PUS7: variants seen among roughly 807,000 people sequenced by gnomAD.
PUS7 encodes pseudouridine synthase 7.
In PUS7, 48 loss-of-function variants were observed where a neutral mutation model predicts 79.8. The observed-to-expected ratio is 0.60, with a 90% CI of 0.48 to 0.76. The LOEUF (loss-of-function observed/expected upper bound fraction) is 0.76, where lower values mean the gene tolerates loss of function less well. Among genes scored for constraint, PUS7 ranks in the 30% least tolerant of loss-of-function variants. PUS7 has a pLI of 0.00. For synonymous variants in PUS7, 286 were observed against 272.2 expected, an observed-to-expected ratio of 1.05 and a Z score of -0.50; for missense variants, 729 against 797.6, an observed-to-expected ratio of 0.91 and a Z score of 1.04.
chr7:105,508,764 T>C (rs1170163946), intron 1 of PUS7, among the ~76,000 whole-genome samples: 2 of 148,420 alleles, frequency 1.3e-5, no homozygotes, highest in Admixed American at 1.4e-4. Context: ...TCCCAGCTCT[T>C]GGGAGGCTGA....
At chr7:105,478,566 T>C (rs913362147) in intron 9 of PUS7, among the ~76,000 whole-genome samples, 1 of 152,218 alleles carries the variant, frequency 6.6e-6, no homozygotes, top group Non-Finnish European at 1.5e-5. Context: ...AGATTAGTGA[T>C]AAGCATCTTT....
At chr7:105,504,070 C>A (rs1476979491) in intron 4 of PUS7, among the ~76,000 whole-genome samples, 1 of 137,016 alleles carries the variant, frequency 7.3e-6, no homozygotes, top group Non-Finnish European at 1.6e-5. Context: ...CTTGATGACA[C>A]TTTTTTTTTT....
chr7:105,510,171 A>G (rs1825647836), intron 1 of PUS7, among the ~76,000 whole-genome samples: 1 of 152,052 alleles, frequency 6.6e-6, no homozygotes, highest in Non-Finnish European at 1.5e-5. Context: ...ATGGTGGCAC[A>G]TGCCTGTAAT....
intron 11 of PUS7, among the ~76,000 whole-genome samples, chr7:105,469,771 TTAG>T (rs562306434): frequency 8.4e-4 from 128 of 152,306 alleles, no homozygotes; most frequent in African/African-American, 2.9e-3. Context: ...TTTTGTATTT[TTAG>T]TAGAGACAAG....
At chr7:105,488,724 T>C (rs1466936066) in intron 7 of PUS7, among the ~76,000 whole-genome samples, 1 of 152,242 alleles carries the variant, frequency 6.6e-6, no homozygotes, top group East Asian at 1.9e-4. Context: ...AAAATAAGAA[T>C]ACATAAGTAT....
chr7:105,462,267 A>G, intron 14 of PUS7: 1 of 211,864 alleles, frequency 4.7e-6, no homozygotes, highest in South Asian at 7.2e-5. Context: ...CCCTGCCTCT[A>G]CTAAAAATAC....
intron 5 of PUS7, among the ~76,000 whole-genome samples, 170 bp downstream of exon 5, chr7:105,502,250 G>A (rs1157116549): frequency 6.6e-6 from 1 of 152,100 alleles, no homozygotes; most frequent in Non-Finnish European, 1.5e-5. Context: ...GCAGGACTGC[G>A]CTGGCATCTG....
intron 5 of PUS7, among the ~76,000 whole-genome samples, chr7:105,496,761 AAAGTATTAC>A (rs59055631): frequency 0.54 from 81,078 of 151,422 alleles, 22,947 homozygotes; most frequent in Middle Eastern, 0.63. Flanking sequence ...CTTGGACAGA[AAAGTATTAC>A]AAGTATTTCT....
At chr7:105,467,350 T>C (rs1044178387) in intron 12 of PUS7, among the ~76,000 whole-genome samples, 4 of 151,268 alleles carry the variant, frequency 2.6e-5, no homozygotes, top group Admixed American at 6.6e-5. Flanking sequence ...AATGCAGTGG[T>C]GTGATCTCGG....
rs1825290655 is a variant in PUS7 at position 105,502,423 on chromosome 7, C to G, written c.727G>C (p.Ala243Pro). Residue 243 changes from alanine to proline, a missense_variant, in exon 5 of 16, where the codon GCA becomes CCA. By Grantham distance (27) the Ala-to-Pro change is conservative. Transcript: ENST00000469408. ...AYHAAGKKAL[A>P]NPRKHSWPKS... ...GAAGCTGCTCACAGACACCTACTTG[C>G]CAAAGCCTTTTTCCCAGCTGCGTGG... The G allele has an allele frequency of 6.2e-7, 1 of 1,613,980 alleles. No individual in the cohort carries two copies. Among genetic ancestry groups the G allele is most frequent in the South Asian group, 1.1e-5 (1 of 91,080 alleles).
chr7:105,463,993 G>A (rs892853309), intron 13 of PUS7, among the ~76,000 whole-genome samples: 3 of 152,144 alleles, frequency 2.0e-5, no homozygotes, highest in African/African-American at 4.8e-5. Flanking sequence ...AAGGACAACA[G>A]GGATCCCTCA....
chr7:105,491,675 C>T, intron 6 of PUS7, 58 bp from the exon 7 acceptor site: 2 of 991,260 alleles, frequency 2.0e-6, no homozygotes, highest in East Asian at 4.9e-5. Flanking sequence ...ATAAGGAAAT[C>T]CTAATTCTCA....
chr7:105,508,697 T>A (rs1219400242), intron 1 of PUS7, among the ~76,000 whole-genome samples, 153 bp from the exon 2 acceptor site: 1 of 150,406 alleles, frequency 6.6e-6, no homozygotes, highest in African/African-American at 2.5e-5. Flanking sequence ...CTGGCCAACA[T>A]GGTGAAACCT....
chr7:105,513,760 C>A (rs2133280394), intron 1 of PUS7, among the ~76,000 whole-genome samples: 1 of 145,260 alleles, frequency 6.9e-6, no homozygotes, highest in East Asian at 2.1e-4. Flanking sequence ...ATGGCGTGAA[C>A]CCAGGAGGCG....
intron 1 of PUS7, among the ~76,000 whole-genome samples, chr7:105,509,260 A>ACGT (rs1292808878): frequency 6.7e-6 from 1 of 150,136 alleles, no homozygotes; most frequent in Non-Finnish European, 1.5e-5. Flanking sequence ...TGTTGTTCAT[A>ACGT]CGATCCTAAA....
intron 7 of PUS7, among the ~76,000 whole-genome samples, chr7:105,483,150 T>C (rs1824396211): frequency 6.6e-6 from 1 of 151,250 alleles, no homozygotes; most frequent in Non-Finnish European, 1.5e-5. Context: ...GTGTCACCAC[T>C]AACACCCAAT....
chr7:105,496,584 G>C (rs573542000), intron 5 of PUS7, among the ~76,000 whole-genome samples: 1 of 152,118 alleles, frequency 6.6e-6, no homozygotes, highest in Non-Finnish European at 1.5e-5. Context: ...ACCGAAGCTG[G>C]TACTTGGATA....
Position 105,508,194 on chromosome 7 carries a change from G to A in PUS7, c.319C>T (p.His107Tyr), listed in dbSNP as rs1318188362. The A allele has an allele frequency of 6.2e-7, 1 of 1,614,084 alleles. No homozygotes were observed. The highest frequency in any genetic ancestry group is 2.2e-5 in the East Asian group (1 of 44,880). The change falls in exon 2 of 16, where the codon CAT becomes TAT. Residue 107 changes from histidine (H) to tyrosine (Y), a missense_variant. Transcript: ENST00000469408. ...CCTACGTCAGCCTCAGTGAGTCCAT[G>A]CTTCATCATGTCTGCAAAACTCTCT... ...ESESFADMMK[H>Y]GLTEADVGIT...
intron 4 of PUS7, among the ~76,000 whole-genome samples, chr7:105,504,520 A>G (rs1477335765): frequency 6.6e-6 from 1 of 152,242 alleles, no homozygotes; most frequent in Admixed American, 6.5e-5. Flanking sequence ...ATATGAATAC[A>G]TGTTTAGACC....
Sources: gnomAD v4.1 joint callset for allele counts (sites outside exome capture counted in the v4.1 genomes callset) on GRCh38, gnomAD v4.1.1 for gene constraint, MANE v1.5 for transcripts, NCBI Gene and HGNC (gene_info 2026-07-23, HGNC 2026-07-21) for gene names.